The following HIRA variants were observed in gnomAD, a reference collection of about 807,000 sequenced individuals.
HIRA encodes the protein histone cell cycle regulator, also known as protein HIRA.
HIRA carries 13 observed loss-of-function variants against 126.6 expected under a neutral mutation model. That is an observed-to-expected ratio of 0.10 (90% CI 0.07 to 0.16). The LOEUF (loss-of-function observed/expected upper bound fraction) is 0.16. Ranked by LOEUF, HIRA falls within the 10% of genes least tolerant of loss-of-function variation. The probability of loss-of-function intolerance (pLI) is 1.00; values close to 1 mark genes in which losing one functional copy is unlikely to be tolerated. For synonymous variants in HIRA, 511 were observed against 520.0 expected (o/e 0.98, Z 0.24); for missense variants, 834 against 1,314.4 (o/e 0.63, Z 5.65).
chr22:19,348,471 A>T (rs1335050694), intron 24 of HIRA, among the ~76,000 whole-genome samples: 1 of 152,048 alleles, frequency 6.6e-6, no homozygotes, highest in African/African-American at 2.4e-5. Context: ...TCTGGTGAAG[A>T]ATTGAAAGCA....
At chr22:19,411,129 C>G (rs1008241) in intron 1 of HIRA, among the ~76,000 whole-genome samples, 103,624 of 152,176 alleles carry the variant, frequency 0.68, 35,657 homozygotes, top group African/African-American at 0.77. Context: ...GACAGAAGGA[C>G]TGCTATTTGT....
intron 1 of HIRA, among the ~76,000 whole-genome samples, chr22:19,424,861 G>A (rs575278935): frequency 6.6e-6 from 1 of 152,302 alleles, no homozygotes; most frequent in South Asian, 2.1e-4. Flanking sequence ...GTCAGCTTCA[G>A]GGTGCATTAA....
Position 19,431,510 on chromosome 22 carries a change from G to A in HIRA, c.-34C>T. ...CGCCGCCGCCGCCGGGCTGAGGCGA[G>A]CGCCGGGTCCCTCAGCGCGCCCGGG... On this transcript the variant is annotated 5_prime_UTR_variant, in exon 1 of 25. Transcript: ENST00000263208. The A allele has an allele frequency of 6.4e-7, 1 of 1,560,632 alleles. No homozygotes were observed. Among genetic ancestry groups the A allele is most frequent in the Non-Finnish European group, 8.7e-7 (1 of 1,154,962 alleles).
At chr22:19,387,018 A>G (rs1365421949) in intron 11 of HIRA, among the ~76,000 whole-genome samples, 1 of 152,228 alleles carries the variant, frequency 6.6e-6, no homozygotes, top group Non-Finnish European at 1.5e-5. Flanking sequence ...CCCTTCAGAC[A>G]CATACACACA....
chr22:19,415,046 A>C (rs1349290439), intron 1 of HIRA, among the ~76,000 whole-genome samples: 1 of 152,102 alleles, frequency 6.6e-6, no homozygotes, highest in East Asian at 1.9e-4. Context: ...CCTAAGTTCA[A>C]GCGATTCTCC....
At chr22:19,420,130 C>A (rs1326382186) in intron 1 of HIRA, among the ~76,000 whole-genome samples, 2 of 151,900 alleles carry the variant, frequency 1.3e-5, no homozygotes, top group Non-Finnish European at 2.9e-5. Context: ...AGACCTTAAT[C>A]ACTTCTCCTG....
At chr22:19,356,669 C>T (rs868930801) in intron 19 of HIRA, among the ~76,000 whole-genome samples, 1 of 152,220 alleles carries the variant, frequency 6.6e-6, no homozygotes, top group Non-Finnish European at 1.5e-5. Context: ...AGGAAATAAT[C>T]GAGCAGGCAA....
chr22:19,361,774 G>A lies in HIRA; in HGVS notation c.1933C>T (p.Arg645Trp). ...VETVEKKKKG[R>W]PRKDSRLMPV... is the part of the protein sequence containing the mutation. Reference sequence around the variant, plus strand: ...ATGAGACGAGAGTCCTTCCGAGGCCGCCCTTTCTTCTTCTTCTCTACTGTC... The same window carrying A: ...ATGAGACGAGAGTCCTTCCGAGGCCACCCTTTCTTCTTCTTCTCTACTGTC... The change falls in exon 16 of 25, where the codon CGG (arginine) becomes TGG (tryptophan). Residue 645 changes from arginine to tryptophan, a missense_variant. Arg to Trp is a moderately radical substitution (Grantham distance 101). Coordinates refer to ENST00000263208, the MANE Select transcript of HIRA (RefSeq NM_003325.4). The A allele has an allele frequency of 6.2e-7, 1 of 1,613,434 alleles. No individual in the cohort carries two copies. Among genetic ancestry groups the A allele is most frequent in the Non-Finnish European group, 8.5e-7 (1 of 1,180,038 alleles).
At chr22:19,425,559 G>A (rs897346745) in intron 1 of HIRA, among the ~76,000 whole-genome samples, 1 of 152,092 alleles carries the variant, frequency 6.6e-6, no homozygotes, top group Non-Finnish European at 1.5e-5. Context: ...GTCCCTCCCA[G>A]CTGTGTAACT....
chr22:19,405,266 T>C (rs938357144), intron 5 of HIRA, among the ~76,000 whole-genome samples: 1 of 152,202 alleles, frequency 6.6e-6, no homozygotes, highest in African/African-American at 2.4e-5. Flanking sequence ...AAGTCTAAAT[T>C]GCACTCAACC....
chr22:19,347,319 C>T (rs188873292), intron 24 of HIRA, among the ~76,000 whole-genome samples: 3 of 152,274 alleles, frequency 2.0e-5, no homozygotes, highest in East Asian at 1.9e-4. Context: ...AAGTAAAGAC[C>T]GCAATGAACA....
At chr22:19,378,267 T>C (rs1038856183) in intron 13 of HIRA, among the ~76,000 whole-genome samples, 1 of 152,264 alleles carries the variant, frequency 6.6e-6, no homozygotes, top group Non-Finnish European at 1.5e-5. Flanking sequence ...ACAGGTTCTA[T>C]ATGTACTACT....
chr22:19,391,651 T>G (rs1188478160), intron 9 of HIRA, among the ~76,000 whole-genome samples: 1 of 152,002 alleles, frequency 6.6e-6, no homozygotes, highest in Non-Finnish European at 1.5e-5. Context: ...CAGCTAATTT[T>G]TTGTATTTTT....
chr22:19,399,300 A>T, intron 5 of HIRA: 1 of 225,774 alleles, frequency 4.4e-6, no homozygotes, highest in Non-Finnish European at 7.4e-6. Flanking sequence ...AATATTCCAA[A>T]TATCTATTGT....
chr22:19,430,585 G>A (rs2146265173), intron 1 of HIRA, among the ~76,000 whole-genome samples: 1 of 151,696 alleles, frequency 6.6e-6, no homozygotes, highest in African/African-American at 2.4e-5. Flanking sequence ...CCCTGGGCTG[G>A]AGGAGTCTCC....
chr22:19,363,767 A>G (rs1260860019), intron 15 of HIRA, among the ~76,000 whole-genome samples: 1 of 152,124 alleles, frequency 6.6e-6, no homozygotes, highest in African/African-American at 2.4e-5. Flanking sequence ...GTGTGGTGGC[A>G]TACACATGTA....
intron 1 of HIRA, among the ~76,000 whole-genome samples, chr22:19,421,068 C>A (rs887637146): frequency 6.6e-6 from 1 of 152,094 alleles, no homozygotes; most frequent in South Asian, 2.1e-4. Context: ...GAGGTCGAGG[C>A]GGGTGGATCA....
Position 19,355,879 on chromosome 22 carries a change from G to C in HIRA, c.2456-14C>G, listed in dbSNP as rs370990623. 1 of 1,570,538 alleles carries C rather than the reference G, an allele frequency of 6.4e-7. No individual in the cohort carries two copies. The highest frequency in any genetic ancestry group is 1.3e-5 in the African/African-American group (1 of 74,108). On this transcript the variant is annotated splice_polypyrimidine_tract_variant and intron_variant, in intron 20 of 24. Coordinates refer to ENST00000263208, the MANE Select transcript of HIRA (RefSeq NM_003325.4). ...TCATATCACTTCCTGAGGACAGCAT[G>C]GGAATGAGTTCTGGGTGTGCTCTGA...
chr22:19,397,905 C>A, intron 6 of HIRA, 87 bp downstream of exon 6: 3 of 881,372 alleles, frequency 3.4e-6, no homozygotes, highest in Non-Finnish European at 5.5e-6. Flanking sequence ...TCTGTTGCCA[C>A]CAAGACTAAG....
Sources: gnomAD v4.1 joint callset for allele counts (sites outside exome capture counted in the v4.1 genomes callset) on GRCh38, gnomAD v4.1.1 for gene constraint, MANE v1.5 for transcripts, NCBI Gene and HGNC (gene_info 2026-07-23, HGNC 2026-07-21) for gene names.